PAPPA2: variants seen among roughly 807,000 people sequenced by gnomAD.
PAPPA2 encodes the protein pappalysin 2.
In PAPPA2, 86 loss-of-function variants were observed where a neutral mutation model predicts 176.4. That is an observed-to-expected ratio of 0.49 (90% confidence interval 0.41 to 0.58). The LOEUF is 0.58. PAPPA2 is among the 20% of genes least tolerant of loss of function. The pLI is 0.00. For synonymous variants in PAPPA2, 809 were observed against 852.2 expected (o/e 0.95, Z 0.88); for missense variants, 2,073 against 2,256.9 (o/e 0.92, Z 1.65).
chr1:176,712,053 G>GTT (rs1490316065), intron 12 of PAPPA2, 72 bp downstream of exon 12: 2 of 1,496,420 alleles, frequency 1.3e-6, no homozygotes, highest in African/African-American at 1.4e-5. Flanking sequence ...GTGTGTGTGT[G>GTT]TGTGTAAATG....
At chr1:176,474,748 T>A (rs1170901579) in intron 1 of PAPPA2, among the ~76,000 whole-genome samples, 1 of 152,188 alleles carries the variant, frequency 6.6e-6, no homozygotes, top group Non-Finnish European at 1.5e-5. Context: ...AGTATAAAAA[T>A]GTGAGCAAGA....
chr1:176,609,313 G>A (rs1654778438), intron 3 of PAPPA2, among the ~76,000 whole-genome samples: 1 of 152,176 alleles, frequency 6.6e-6, no homozygotes, highest in Admixed American at 6.5e-5. Context: ...GCTTTGTAGT[G>A]CAGTGTGGTA....
At chr1:176,638,939 C>CATGTGT (rs1553379103) in intron 3 of PAPPA2, among the ~76,000 whole-genome samples, 1 of 143,030 alleles carries the variant, frequency 7.0e-6, no homozygotes, top group African/African-American at 2.6e-5. Context: ...TGTGCATGTG[C>CATGTGT]GTGTGTGTGT....
At chr1:176,539,670 A>G (rs1650268491) in intron 1 of PAPPA2, among the ~76,000 whole-genome samples, 1 of 151,918 alleles carries the variant, frequency 6.6e-6, no homozygotes, top group Admixed American at 6.6e-5. Context: ...TATGAGTAGG[A>G]GATTTGTGCA....
chr1:176,476,276 G>A (rs1030075126), intron 1 of PAPPA2, among the ~76,000 whole-genome samples: 1 of 152,132 alleles, frequency 6.6e-6, no homozygotes, highest in African/African-American at 2.4e-5. Flanking sequence ...TTTCTTGTCT[G>A]GAATGCGTGT....
At chr1:176,536,171 G>C (rs1269996078) in intron 1 of PAPPA2, among the ~76,000 whole-genome samples, 14 of 152,176 alleles carry the variant, frequency 9.2e-5, no homozygotes, top group Admixed American at 9.2e-4. Context: ...ACAAAGTTCT[G>C]AGGAAGCAGT....
At chr1:176,695,945 A>T (rs764525134) in intron 7 of PAPPA2, 86 bp downstream of exon 7, 1 of 1,520,394 alleles carries the variant, frequency 6.6e-7, no homozygotes, top group African/African-American at 1.4e-5. Context: ...TGACATGGTG[A>T]CAAAAAGGCA....
At chr1:176,619,881 AC>A (rs200977274) in intron 3 of PAPPA2, among the ~76,000 whole-genome samples, 1 of 150,240 alleles carries the variant, frequency 6.7e-6, no homozygotes, top group East Asian at 2.0e-4. Flanking sequence ...TCATAATAAA[AC>A]AATTCATTGA....
intron 3 of PAPPA2, among the ~76,000 whole-genome samples, chr1:176,637,816 C>A (rs181397085): frequency 1.3e-4 from 20 of 152,164 alleles, no homozygotes; most frequent in African/African-American, 4.8e-4. Flanking sequence ...TCTCTGCCTA[C>A]TCTTTTGCTT....
At chr1:176,468,261 C>T (rs1028178147) in intron 1 of PAPPA2, among the ~76,000 whole-genome samples, 1 of 152,112 alleles carries the variant, frequency 6.6e-6, no homozygotes, top group Admixed American at 6.6e-5. Flanking sequence ...GGGAGAGCTT[C>T]AGACTGAGTT....
At chr1:176,712,231 A>G (rs555694853) in intron 12 of PAPPA2, among the ~76,000 whole-genome samples, 10 of 152,322 alleles carry the variant, frequency 6.6e-5, no homozygotes, top group African/African-American at 2.4e-4. Flanking sequence ...TCAGAAATGC[A>G]TAATAGCTCA....
At chr1:176,498,001 A>C (rs1647724104) in intron 1 of PAPPA2, among the ~76,000 whole-genome samples, 1 of 152,156 alleles carries the variant, frequency 6.6e-6, no homozygotes, top group African/African-American at 2.4e-5. Context: ...AATAAGTTTC[A>C]GTTCCTTCTA....
chr1:176,485,729 A>G (rs1382250497), intron 1 of PAPPA2, among the ~76,000 whole-genome samples: 1 of 152,150 alleles, frequency 6.6e-6, no homozygotes, highest in African/African-American at 2.4e-5. Flanking sequence ...GGGGGGAGGA[A>G]AAATTTATCC....
intron 3 of PAPPA2, among the ~76,000 whole-genome samples, chr1:176,615,350 G>A (rs2102683371): frequency 6.6e-6 from 1 of 152,268 alleles, no homozygotes; most frequent in East Asian, 1.9e-4. Flanking sequence ...TTGCTCTGTC[G>A]CCCAGACTGG....
chr1:176,662,949 T>C (rs2102761183), intron 3 of PAPPA2, among the ~76,000 whole-genome samples: 1 of 152,360 alleles, frequency 6.6e-6, no homozygotes, highest in Non-Finnish European at 1.5e-5. Flanking sequence ...TTCTTATTAG[T>C]GAGAATTAAA....
At chr1:176,751,082 A>G (rs1244165748) in intron 14 of PAPPA2, among the ~76,000 whole-genome samples, 2 of 151,822 alleles carry the variant, frequency 1.3e-5, no homozygotes, top group Non-Finnish European at 2.9e-5. Flanking sequence ...TCCCAGCACC[A>G]TTTGTTAAAT....
At chr1:176,836,156 G>A (rs1228793881) in intron 21 of PAPPA2, among the ~76,000 whole-genome samples, 1 of 152,160 alleles carries the variant, frequency 6.6e-6, no homozygotes, top group Non-Finnish European at 1.5e-5. Context: ...GCCTGATTTG[G>A]AAAGGAGCTT....
intron 13 of PAPPA2, 90 bp downstream of exon 13, chr1:176,739,851 G>C: frequency 1.3e-6 from 2 of 1,573,984 alleles, no homozygotes; most frequent in Non-Finnish European, 1.7e-6. Context: ...ATGTTGTCTG[G>C]GATCTTGCCT....
chr1:176,810,472 G>A (rs530048491), intron 21 of PAPPA2, among the ~76,000 whole-genome samples: 11 of 152,210 alleles, frequency 7.2e-5, no homozygotes, highest in African/African-American at 1.7e-4. Flanking sequence ...CATAAGGAGC[G>A]TGCAACCTAG....
Sources: gnomAD v4.1 joint callset for allele counts (sites outside exome capture counted in the v4.1 genomes callset) on GRCh38, gnomAD v4.1.1 for gene constraint, MANE v1.5 for transcripts, NCBI Gene and HGNC (gene_info 2026-07-23, HGNC 2026-07-21) for gene names.